ZNF774: variants seen among roughly 807,000 people sequenced by gnomAD.
ZNF774 encodes the protein zinc finger protein 774.
In ZNF774, 14 loss-of-function variants were observed where a neutral mutation model predicts 11.1. That is an observed-to-expected ratio of 1.26 (90% CI 0.83 to 1.97). The LOEUF is 1.97. Among genes scored for constraint, ZNF774 ranks in the 30% most tolerant of loss-of-function variants. The probability of loss-of-function intolerance (pLI) is 0.00; values close to 1 mark genes in which losing one functional copy is unlikely to be tolerated. For synonymous variants in ZNF774, 195 were observed against 212.6 expected (o/e 0.92, Z 0.72); for missense variants, 599 against 587.0 (o/e 1.02, Z -0.21).
intron 2 of ZNF774, 99 bp downstream of exon 2, chr15:90,354,863 C>A: frequency 1.1e-6 from 1 of 948,142 alleles, no homozygotes; most frequent in Non-Finnish European, 1.6e-6. Context: ...GGCGCGATCT[C>A]GATTCACTGC....
intron 2 of ZNF774, 55 bp downstream of exon 2, chr15:90,354,819 G>A: frequency 7.1e-7 from 1 of 1,412,554 alleles, no homozygotes; most frequent in Non-Finnish European, 9.8e-7. Context: ...TTTTGAGACG[G>A]GGTCTCGCTC....
At chr15:90,357,080 A>G (rs1209917258) in intron 2 of ZNF774, among the ~76,000 whole-genome samples, 1 of 151,540 alleles carries the variant, frequency 6.6e-6, no homozygotes, top group Non-Finnish European at 1.5e-5. Flanking sequence ...CAAAGAACAG[A>G]TACATTTCTA....
chr15:90,361,346 C>A lies in ZNF774; in HGVS notation c.*63C>A, dbSNP rs150056690. 5,088 of 1,513,616 alleles carry A rather than the reference C, an allele frequency of 3.4e-3. 38 individuals carry two copies. Among genetic ancestry groups the A allele is most frequent in the South Asian group, 0.023 (1,722 of 74,294 alleles). 93.8% of individuals were successfully genotyped at this position (1,513,616 alleles called of 1,614,324 possible). A position where few individuals can be genotyped will look rare whatever the true frequency, so the allele number is the denominator to read the frequency against. On this transcript the variant is annotated 3_prime_UTR_variant, in exon 4 of 4. Coordinates refer to ENST00000354377, the MANE Select transcript of ZNF774 (RefSeq NM_001004309.3). ...TTTCATTGCTACTGTCTTCAAGCAC[C>A]CCAAATAGAGAAAACCTGGGCGTCA...
intron 1 of ZNF774, among the ~76,000 whole-genome samples, chr15:90,353,372 C>G (rs1208677091): frequency 6.6e-6 from 1 of 151,154 alleles, no homozygotes; most frequent in Non-Finnish European, 1.5e-5. Context: ...AAACTCAATA[C>G]TTTATAAATG....
rs1964305097 is a variant in ZNF774 at position 90,360,113 on chromosome 15, A to G, written c.282A>G (p.Ser94=). ...CAGCAGAACAATGTGGAACATCCTC[A>G]GAAAGGACCAATAAAGATCTTTCTC... The part of the protein sequence containing the change: ...SETAEQCGTS[S]ERTNKDLSHT... Residue 94 remains serine, a synonymous_variant, in exon 4 of 4, where the codon TCA becomes TCG. Coordinates refer to ENST00000354377, the MANE Select transcript of ZNF774 (RefSeq NM_001004309.3). The G allele has an allele frequency of 1.9e-6, 3 of 1,614,102 alleles. No individual in the cohort carries two copies. The highest frequency in any genetic ancestry group is 2.5e-6 in the Non-Finnish European group (3 of 1,180,056).
intron 2 of ZNF774, among the ~76,000 whole-genome samples, chr15:90,358,127 C>A (rs1205595546): frequency 6.6e-6 from 1 of 152,086 alleles, no homozygotes; most frequent in East Asian, 1.9e-4. Context: ...ACCTCGTAAT[C>A]CGCCTGCCTC....
In ZNF774 at chr15:90,360,582, A is replaced by G. The variant is rs372393738; in HGVS notation, c.751A>G (p.Ile251Val). ...GACTTTTGGGCGGAAGCCACACCTC[A>G]TAATGCACCAAAGAACCCACACAGG... ...GKTFGRKPHL[I>V]MHQRTHTGEK... The change falls in exon 4 of 4, where the codon ATA becomes GTA. Residue 251 changes from isoleucine (I) to valine (V), a missense_variant. Ile to Val is a conservative substitution (Grantham distance 29). Coordinates refer to ENST00000354377, the MANE Select transcript of ZNF774 (RefSeq NM_001004309.3). The G allele has an allele frequency of 4.9e-5, 79 of 1,613,976 alleles. No individual in the cohort carries two copies. Among genetic ancestry groups the G allele is most frequent in the Non-Finnish European group, 5.6e-5 (66 of 1,180,014 alleles).
In ZNF774 at chr15:90,362,639, A is replaced by T; in HGVS notation, c.*1356A>T. The T allele has an allele frequency of 6.7e-7, 1 of 1,482,958 alleles. No individual in the cohort carries two copies. Among genetic ancestry groups the T allele is most frequent in the East Asian group, 2.5e-5 (1 of 40,608 alleles). 91.9% of individuals were successfully genotyped at this position (1,482,958 alleles called of 1,614,324 possible). On this transcript the variant is annotated 3_prime_UTR_variant, in exon 4 of 4. Transcript: ENST00000354377. ...TGGAAAGAACACCGACTTCATTGAG[A>T]AGGTAAAGTATTTGAGTCCTGGCCC...
rs1190190196 is a variant in ZNF774, at chr15:90,362,312, G to A, written c.*1029G>A. The A allele has an allele frequency of 5.8e-6, 3 of 516,918 alleles. No homozygotes were observed. The highest frequency in any genetic ancestry group is 3.2e-5 in the Admixed American group (1 of 31,356). The allele number at this position is 516,918 out of a possible 1,614,324, so 32.0% of individuals were successfully genotyped here. On this transcript the variant is annotated 3_prime_UTR_variant, in exon 4 of 4. Transcript: ENST00000354377. ...CTTTTAAATGGCAGTGTATGGCAGT[G>A]TATCTACCAGAGGTTTGCTGTCATC...
chr15:90,361,271 C>A lies in ZNF774; in HGVS notation c.1440C>A (p.Thr480=), dbSNP rs767146920. The change falls in exon 4 of 4, where the codon ACC becomes ACA. Residue 480 remains threonine, a synonymous_variant. Transcript: ENST00000354377. ...CGCATCTTTTATGCCATCAAAACAC[C>A]CATTTGATTTAGGAAGTAGTCTTTG... The part of the protein sequence containing the change: ...QKAHLLCHQN[T]HLI 5.6e-6 allele frequency: 9 copies of A among 1,600,924 alleles called. No homozygotes were observed. Among genetic ancestry groups the A allele is most frequent in the Non-Finnish European group, 7.7e-6 (9 of 1,172,472 alleles).
intron 3 of ZNF774, 93 bp from the exon 4 acceptor site, chr15:90,359,950 A>G: frequency 7.2e-7 from 1 of 1,397,132 alleles, no homozygotes; most frequent in Non-Finnish European, 9.7e-7. Flanking sequence ...AGTCTGCTGC[A>G]GAAACAGGGA....
intron 2 of ZNF774, 94 bp downstream of exon 2, chr15:90,354,858 G>A (rs954112909): frequency 1.1e-5 from 11 of 1,023,216 alleles, no homozygotes; most frequent in East Asian, 5.2e-5. Flanking sequence ...GCAGTGGCGC[G>A]ATCTCGATTC....
chr15:90,354,075 TAAA>T (rs11333989), intron 1 of ZNF774, among the ~76,000 whole-genome samples: 37,598 of 150,694 alleles, frequency 0.25, 5,107 homozygotes, highest in African/African-American at 0.36. Flanking sequence ...TTCTTTTTTT[TAAA>T]AAAAAAATGT....
intron 2 of ZNF774, among the ~76,000 whole-genome samples, chr15:90,356,123 CTTT>C (rs576797131): frequency 2.2e-5 from 3 of 137,324 alleles, no homozygotes. Flanking sequence ...TTCTTTCTTT[CTTT>C]TTTTTTTTTT....
At chr15:90,359,003 C>T (rs1025083909) in intron 3 of ZNF774, 46 bp downstream of exon 3, 2 of 1,481,460 alleles carry the variant, frequency 1.4e-6, no homozygotes, top group South Asian at 1.1e-5. Context: ...AGCATTTCAG[C>T]CTTGTTTAGA....
In ZNF774 at chr15:90,361,214, T is replaced by C; in HGVS notation, c.1383T>C (p.Cys461=). The part of the protein sequence containing the change: ...RTHTGEKPFH[C]SKCNKSFRQK... The stretch of plus-strand genomic sequence containing the variant: ...ATACAGGAGAAAAACCTTTCCACTG[T>C]AGTAAATGTAACAAGAGCTTCCGTC... Residue 461 remains cysteine, a synonymous_variant, in exon 4 of 4, where the codon TGT becomes TGC. Coordinates refer to ENST00000354377, the MANE Select transcript of ZNF774 (RefSeq NM_001004309.3). The C allele has an allele frequency of 1.2e-6, 2 of 1,613,132 alleles. No homozygotes were observed. Among genetic ancestry groups the C allele is most frequent in the East Asian group, 2.2e-5 (1 of 44,868 alleles).
rs1964335907 is a variant in ZNF774, at chr15:90,361,402, CCT to C, written c.*122_*123del. 4 of 1,493,006 alleles carry C rather than the reference CCT, an allele frequency of 2.7e-6. No individual in the cohort carries two copies. Among genetic ancestry groups the C allele is most frequent in the Non-Finnish European group, 3.5e-6 (4 of 1,131,080 alleles). 92.5% of individuals were successfully genotyped at this position (1,493,006 alleles called of 1,614,324 possible). On this transcript the variant is annotated 3_prime_UTR_variant, in exon 4 of 4. Coordinates refer to ENST00000354377, the MANE Select transcript of ZNF774 (RefSeq NM_001004309.3). ...TCAATTTGGGCCCTGATCTATTCTCCCTCTTTCTTGTCTATGTTATAACAGAG... is the reference window on the plus strand; with the variant it reads ...TCAATTTGGGCCCTGATCTATTCTCCCTTTCTTGTCTATGTTATAACAGAG...
intron 3 of ZNF774, 104 bp downstream of exon 3, chr15:90,359,061 A>ATTTTTT (rs758679594): frequency 1.5e-5 from 6 of 397,752 alleles, no homozygotes; most frequent in African/African-American, 2.7e-5. Flanking sequence ...ACTAGCAGAC[A>ATTTTTT]TTTTTTTTTT....
Position 90,354,769 on chromosome 15 carries a change from G to A in ZNF774, c.104+5G>A, listed in dbSNP as rs369396803. On this transcript the variant is annotated splice_donor_5th_base_variant and intron_variant, in intron 2 of 3. Transcript: ENST00000354377. ...AGAAGAATGGGCTCTCAAAGGGTAA[G>A]AATGCTACTCTCCTTTATTTCATTT... The A allele has an allele frequency of 1.1e-5, 18 of 1,595,888 alleles. No homozygotes were observed. In the South Asian group the frequency reaches 1.9e-4, roughly 17 times the overall value.
Sources: allele counts gnomAD v4.1 joint callset (sites outside exome capture counted in the v4.1 genomes callset), GRCh38; gene constraint gnomAD v4.1.1; transcripts MANE v1.5; gene names NCBI Gene and HGNC (gene_info 2026-07-23, HGNC 2026-07-21).